Variants in ADGRV1 observed in about 807,000 individuals in gnomAD.
ADGRV1 encodes the protein adhesion G protein-coupled receptor V1.
A neutral mutation model predicts 596.2 loss-of-function variants in ADGRV1; 359 were observed. The observed-to-expected ratio is 0.60, with a 90% CI of 0.55 to 0.66. The LOEUF is 0.66. Among genes scored for constraint, ADGRV1 ranks in the 30% least tolerant of loss-of-function variants. ADGRV1 has a pLI of 0.00. For missense variants in ADGRV1, 7,274 were observed against 7,575.6 expected, an observed-to-expected ratio of 0.96 and a Z score of 1.48; for synonymous variants, 2,681 against 2,679.2, an observed-to-expected ratio of 1.00 and a Z score of -0.02.
intron 85 of ADGRV1, among the ~76,000 whole-genome samples, chr5:90,988,721 A>C (rs1780703809): frequency 6.6e-6 from 1 of 151,858 alleles, no homozygotes; most frequent in African/African-American, 2.4e-5. Context: ...TACATGTGCC[A>C]TGTTGGCGTG....
intron 48 of ADGRV1, among the ~76,000 whole-genome samples, chr5:90,728,128 G>T (rs1752043552): frequency 6.6e-6 from 1 of 152,140 alleles, no homozygotes; most frequent in Middle Eastern, 3.2e-3. Flanking sequence ...AATTTTCTGT[G>T]ACATTGACCA....
At chr5:91,136,663 T>C (rs1794665093) in intron 87 of ADGRV1, among the ~76,000 whole-genome samples, 1 of 152,206 alleles carries the variant, frequency 6.6e-6, no homozygotes, top group Admixed American at 6.5e-5. Context: ...TGCATAAAAA[T>C]CCATGGAAGT....
At chr5:90,695,286 A>G (rs964386890) in intron 33 of ADGRV1, among the ~76,000 whole-genome samples, 3 of 152,122 alleles carry the variant, frequency 2.0e-5, no homozygotes, top group Non-Finnish European at 4.4e-5. Flanking sequence ...CAATATACTG[A>G]TATTTTACAT....
At chr5:91,026,709 A>G (rs1784042958) in intron 85 of ADGRV1, among the ~76,000 whole-genome samples, 1 of 152,166 alleles carries the variant, frequency 6.6e-6, no homozygotes, top group South Asian at 2.1e-4. Context: ...AGGTAACAAA[A>G]GTTGGTAACA....
intron 59 of ADGRV1, among the ~76,000 whole-genome samples, chr5:90,770,926 C>T (rs1237725300): frequency 1.3e-5 from 2 of 152,108 alleles, no homozygotes; most frequent in Non-Finnish European, 2.9e-5. Flanking sequence ...CAGTAACTTG[C>T]TCTTTTTACT....
In ADGRV1 at chr5:90,672,615, G is replaced by A. The variant is rs1772642934; in HGVS notation, c.4822G>A (p.Val1608Ile). ...RTRGALDYVH[V>I]FYTISQIETD... The stretch of plus-strand genomic sequence containing the variant: ...CAGAGGAGCTCTGGATTATGTGCAT[G>A]TTTTTTACACCATTTCACAGATTGA... Residue 1608 changes from valine to isoleucine, a missense_variant, in exon 22 of 90, where the codon GTT (valine) becomes ATT (isoleucine). Physicochemically the swap from Val to Ile is conservative, Grantham distance 29 (BLOSUM62 3). Coordinates refer to ENST00000405460, the MANE Select transcript of ADGRV1 (RefSeq NM_032119.4). The A allele has an allele frequency of 3.1e-6, 5 of 1,613,746 alleles. No individual in the cohort carries two copies. The highest frequency in any genetic ancestry group is 4.2e-6 in the Non-Finnish European group (5 of 1,179,716).
chr5:90,615,762 T>C (rs569617095), intron 2 of ADGRV1, among the ~76,000 whole-genome samples: 1 of 152,044 alleles, frequency 6.6e-6, no homozygotes, highest in African/African-American at 2.4e-5. Context: ...CATATATCTA[T>C]ATATAGAAAT....
At chr5:90,615,711 C>G (rs1256329282) in intron 2 of ADGRV1, among the ~76,000 whole-genome samples, 2 of 151,758 alleles carry the variant, frequency 1.3e-5, no homozygotes, top group African/African-American at 4.8e-5. Flanking sequence ...AGAAAAATGA[C>G]CTATGAACGA....
intron 88 of ADGRV1, among the ~76,000 whole-genome samples, chr5:91,150,726 T>C (rs899870917): frequency 1.3e-5 from 2 of 152,194 alleles, no homozygotes; most frequent in Non-Finnish European, 2.9e-5. Flanking sequence ...CCAGAAAATA[T>C]TTTAGAAAAC....
intron 87 of ADGRV1, among the ~76,000 whole-genome samples, chr5:91,121,701 A>G (rs1712314808): frequency 6.7e-6 from 1 of 149,780 alleles, no homozygotes; most frequent in African/African-American, 2.5e-5. Flanking sequence ...TTTATAATGG[A>G]TTTTTTTTTT....
intron 87 of ADGRV1, among the ~76,000 whole-genome samples, chr5:91,140,563 T>C (rs1582184585): frequency 1.3e-5 from 2 of 152,208 alleles, no homozygotes; most frequent in South Asian, 4.1e-4. Context: ...ATTAAAACTT[T>C]TTAAAAAATT....
intron 15 of ADGRV1, 42 bp downstream of exon 15, chr5:90,644,911 G>A: frequency 7.6e-7 from 1 of 1,317,858 alleles, no homozygotes; most frequent in South Asian, 1.6e-5. Context: ...TGTTGTAGTT[G>A]ATCAATAATT....
At chr5:90,719,395 T>G (rs1750611593) in intron 43 of ADGRV1, among the ~76,000 whole-genome samples, 1 of 152,150 alleles carries the variant, frequency 6.6e-6, no homozygotes, top group South Asian at 2.1e-4. Context: ...ACCCGGAAGA[T>G]TCCCCCTGTC....
At chr5:90,971,217 C>A (rs903950794) in intron 84 of ADGRV1, among the ~76,000 whole-genome samples, 1 of 151,962 alleles carries the variant, frequency 6.6e-6, no homozygotes, top group African/African-American at 2.4e-5. Flanking sequence ...ACCAAATCTA[C>A]GTCTGATTGG....
chr5:90,813,514 C>T (rs1159779048), intron 74 of ADGRV1, among the ~76,000 whole-genome samples: 2 of 152,188 alleles, frequency 1.3e-5, no homozygotes, highest in Non-Finnish European at 2.9e-5. Context: ...TTAGTTTTAA[C>T]TCAACAGGCA....
At chr5:90,643,706 A>C in intron 13 of ADGRV1, 97 bp from the exon 14 acceptor site, 2 of 927,660 alleles carry the variant, frequency 2.2e-6, no homozygotes, top group Non-Finnish European at 3.2e-6. Flanking sequence ...ATGCTTCTGA[A>C]ACTTTGAGTA....
At chr5:90,828,255 C>A (rs1026407234) in intron 76 of ADGRV1, among the ~76,000 whole-genome samples, 1 of 151,850 alleles carries the variant, frequency 6.6e-6, no homozygotes, top group African/African-American at 2.4e-5. Flanking sequence ...TCAGAATTGA[C>A]TATTATAAAT....
intron 85 of ADGRV1, among the ~76,000 whole-genome samples, chr5:90,997,123 A>G (rs984861151): frequency 2.6e-5 from 4 of 152,078 alleles, no homozygotes; most frequent in African/African-American, 7.2e-5. Context: ...AGAAGATATG[A>G]TTGTGTTTTG....
intron 50 of ADGRV1, 31 bp downstream of exon 50, chr5:90,729,795 A>G (rs770152330): frequency 3.9e-5 from 63 of 1,605,552 alleles, no homozygotes; most frequent in Non-Finnish European, 4.9e-5. Context: ...CACCAATTCT[A>G]AAGGTAGTAT....
Sources: allele counts gnomAD v4.1 joint callset (sites outside exome capture counted in the v4.1 genomes callset), GRCh38; gene constraint gnomAD v4.1.1; transcripts MANE v1.5; gene names NCBI Gene and HGNC (gene_info 2026-07-23, HGNC 2026-07-21).